SLC44A5: variants seen among roughly 807,000 people sequenced by gnomAD.
SLC44A5 encodes solute carrier family 44 member 5, also known as choline transporter-like protein 5.
A neutral mutation model predicts 101.8 loss-of-function variants in SLC44A5; 57 were observed. The ratio of observed to expected loss-of-function variants is 0.56; its 90% CI spans 0.45 to 0.70. The LOEUF is 0.70. Among genes scored for constraint, SLC44A5 ranks in the 30% least tolerant of loss-of-function variants. SLC44A5 has a pLI of 0.00. For missense variants in SLC44A5, 737 were observed against 853.1 expected, an observed-to-expected ratio of 0.86 and a Z score of 1.70; for synonymous variants, 281 against 290.9, an observed-to-expected ratio of 0.97 and a Z score of 0.35.
the SLC44A5 span, chr1:75,677,679 AGAGT>A: frequency 2.4e-6 from 1 of 415,044 alleles, no homozygotes; most frequent in Admixed American, 3.0e-5. Flanking sequence ...AAAAAAACGT[AGAGT>A]AACTAAATGC....
At chr1:75,596,321 A>G (rs956029530) in intron 1 of SLC44A5, among the ~76,000 whole-genome samples, 49 of 152,146 alleles carry the variant, frequency 3.2e-4, no homozygotes, top group African/African-American at 1.1e-3. Context: ...CAACCAAAAA[A>G]AAGTTGAAGT....
At chr1:75,722,606 A>C in the SLC44A5 span, among the ~76,000 whole-genome samples, 1 of 152,138 alleles carries the variant, frequency 6.6e-6, no homozygotes, top group African/African-American at 2.4e-5. Context: ...ACCAATCGTT[A>C]CCACCTCCTC....
At chr1:75,261,352 A>T (rs531928621) in intron 6 of SLC44A5, among the ~76,000 whole-genome samples, 60 of 152,314 alleles carry the variant, frequency 3.9e-4, no homozygotes, top group African/African-American at 1.4e-3. Context: ...CACCGATCCC[A>T]CAGAAATACA....
At chr1:75,584,120 C>A (rs1047322328) in intron 1 of SLC44A5, among the ~76,000 whole-genome samples, 5 of 152,212 alleles carry the variant, frequency 3.3e-5, no homozygotes, top group Admixed American at 1.3e-4. Flanking sequence ...ACCCAACTAA[C>A]TGGGGAGGAG....
chr1:75,449,786 A>G (rs1329713120), intron 2 of SLC44A5, among the ~76,000 whole-genome samples: 1 of 152,132 alleles, frequency 6.6e-6, no homozygotes, highest in Non-Finnish European at 1.5e-5. Context: ...GCGGATCACA[A>G]GGTCAAGAGA....
chr1:75,634,755 A>G, the SLC44A5 span, among the ~76,000 whole-genome samples: 1 of 151,870 alleles, frequency 6.6e-6, no homozygotes, highest in Admixed American at 6.6e-5. Context: ...AGGCATGGGC[A>G]AGGACTTCAT....
chr1:75,432,657 C>T lies in SLC44A5; in HGVS notation c.14-36036G>A, dbSNP rs983377271. On this transcript the variant is annotated intron_variant, in intron 2 of 23. Coordinates refer to ENST00000370859, the MANE Select transcript of SLC44A5 (RefSeq NM_001130058.2). ...GTGACTACACTACTGAAAATTATACCCAGCTTCATTTTGTAATATTGTCTT... is the reference window on the plus strand; with the variant it reads ...GTGACTACACTACTGAAAATTATACTCAGCTTCATTTTGTAATATTGTCTT... Among the ~76,000 whole-genome samples, 6 of 151,874 alleles carry T rather than the reference C, an allele frequency of 4.0e-5. No individual in the cohort carries two copies. The South Asian group carries it at 1.2e-3, about 32-fold the overall frequency.
chr1:75,532,714 T>C (rs1670788928), intron 2 of SLC44A5, among the ~76,000 whole-genome samples: 1 of 152,180 alleles, frequency 6.6e-6, no homozygotes, highest in African/African-American at 2.4e-5. Context: ...CAGTGTTCAG[T>C]ATAGAGTTTG....
chr1:75,474,325 C>A (rs987153782), intron 2 of SLC44A5, among the ~76,000 whole-genome samples: 2 of 152,110 alleles, frequency 1.3e-5, no homozygotes, highest in African/African-American at 4.8e-5. Context: ...TAAATAAAGT[C>A]ATTTAACACT....
At chr1:75,492,517 C>CT (rs1365520137) in intron 2 of SLC44A5, among the ~76,000 whole-genome samples, 31 of 152,128 alleles carry the variant, frequency 2.0e-4, no homozygotes, top group African/African-American at 7.5e-4. Context: ...GGACACAGTC[C>CT]TTTACCACAG....
chr1:75,364,743 G>A (rs888654992), intron 3 of SLC44A5, among the ~76,000 whole-genome samples: 1 of 151,980 alleles, frequency 6.6e-6, no homozygotes, highest in Non-Finnish European at 1.5e-5. Context: ...ATGGTTTCCC[G>A]TAACTCCCAC....
intron 1 of SLC44A5, among the ~76,000 whole-genome samples, chr1:75,592,475 A>G (rs1418822254): frequency 6.6e-6 from 1 of 152,172 alleles, no homozygotes; most frequent in Non-Finnish European, 1.5e-5. Flanking sequence ...GACATTCTTC[A>G]CATAAATAGA....
chr1:75,491,770 G>C (rs1668439561), intron 2 of SLC44A5, among the ~76,000 whole-genome samples: 1 of 151,938 alleles, frequency 6.6e-6, no homozygotes, highest in Non-Finnish European at 1.5e-5. Flanking sequence ...CAGGTTTTTG[G>C]TAACATCACA....
At chr1:75,671,361 C>A in the SLC44A5 span, among the ~76,000 whole-genome samples, 5 of 152,120 alleles carry the variant, frequency 3.3e-5, no homozygotes, top group Non-Finnish European at 7.3e-5. Context: ...TCAAAATTAG[C>A]AAGGCCCTCA....
Position 75,236,286 on chromosome 1 carries a change from T to C in SLC44A5, c.740+701A>G, listed in dbSNP as rs115405412. ...AGTTTTAATTTTAGTCTTTGACCATTAGGGAACCATGGGAGCTTTTAAGCA... is the reference window on the plus strand; with the variant it reads ...AGTTTTAATTTTAGTCTTTGACCATCAGGGAACCATGGGAGCTTTTAAGCA... On this transcript the variant is annotated intron_variant, in intron 11 of 23. Coordinates refer to ENST00000370859, the MANE Select transcript of SLC44A5 (RefSeq NM_001130058.2). Among the ~76,000 whole-genome samples, 462 of 152,048 alleles carry C rather than the reference T, an allele frequency of 3.0e-3. 4 individuals carry two copies. Among genetic ancestry groups the C allele is most frequent in the African/African-American group, 0.01 (425 of 41,528 alleles).
intron 2 of SLC44A5, among the ~76,000 whole-genome samples, chr1:75,539,151 A>G (rs1671213919): frequency 6.6e-6 from 1 of 152,152 alleles, no homozygotes; most frequent in African/African-American, 2.4e-5. Flanking sequence ...TTATCCATCA[A>G]TTGTACAAGA....
chr1:75,588,168 G>A (rs1387485300), intron 1 of SLC44A5, among the ~76,000 whole-genome samples: 4 of 147,332 alleles, frequency 2.7e-5, no homozygotes, highest in Admixed American at 1.4e-4. Context: ...CAGCACTCTC[G>A]TATCCAAAAA....
chr1:75,266,933 G>A lies in SLC44A5; in HGVS notation c.260+8025C>T, dbSNP rs566553081. On this transcript the variant is annotated intron_variant, in intron 6 of 23. Transcript: ENST00000370859. ...ATCTTGTGCCAGAGACTAGGAAGAG[G>A]AATGGTGACGGTGCGTGCGGCTGCT... Among the ~76,000 whole-genome samples the A allele has an allele frequency of 2.0e-5, 3 of 152,304 alleles. No individual in the cohort carries two copies. The South Asian group carries it at 6.2e-4, about 32-fold the overall frequency.
rs1461448493 is a variant in SLC44A5, at chr1:75,222,383, T to G, written c.1063A>C (p.Ile355Leu). Reference sequence around the variant, plus strand: ...TACTTGCTTCCTTCCTTCAGCAGGATAATGGCGACTCGGATTCGATTCCTG... The same window carrying G: ...TACTTGCTTCCTTCCTTCAGCAGGAGAATGGCGACTCGGATTCGATTCCTG... ...FLRNRIRVAI[I>L]LLKEGSKAIG... The change falls in exon 14 of 24, where the codon ATC becomes CTC. Residue 355 changes from isoleucine to leucine, a missense_variant. Transcript: ENST00000370859. 6.2e-7 allele frequency: 1 copy of G among 1,613,534 alleles called. No homozygotes were observed. The highest frequency in any genetic ancestry group is 8.5e-7 in the Non-Finnish European group (1 of 1,179,758).
Sources: gnomAD v4.1 joint callset for allele counts (sites outside exome capture counted in the v4.1 genomes callset) on GRCh38, gnomAD v4.1.1 for gene constraint, MANE v1.5 for transcripts, NCBI Gene and HGNC (gene_info 2026-07-23, HGNC 2026-07-21) for gene names.